TP63: variants seen among roughly 807,000 people sequenced by gnomAD.
TP63 encodes tumor protein 63.
A neutral mutation model predicts 82.8 loss-of-function variants in TP63; 17 were observed. The ratio of observed to expected loss-of-function variants is 0.21; its 90% confidence interval spans 0.14 to 0.31. TP63 has a LOEUF of 0.31. TP63 is among the 10% of genes least tolerant of loss of function. TP63 has a pLI of 1.00. For synonymous variants in TP63, 330 were observed against 321.7 expected, an observed-to-expected ratio of 1.03 and a Z score of -0.28; for missense variants, 648 against 895.3, an observed-to-expected ratio of 0.72 and a Z score of 3.52.
At chr3:189,820,300 A>G (rs1324790402) in intron 4 of TP63, among the ~76,000 whole-genome samples, 1 of 152,230 alleles carries the variant, frequency 6.6e-6, no homozygotes, top group Non-Finnish European at 1.5e-5. Context: ...TTTCTCTTCA[A>G]AAAGCAATTA....
intron 1 of TP63, among the ~76,000 whole-genome samples, chr3:189,680,980 A>G (rs969037987): frequency 1.3e-5 from 2 of 152,244 alleles, no homozygotes; most frequent in African/African-American, 4.8e-5. Context: ...GTTTGGGTCC[A>G]CAGTAAAGTC....
intron 1 of TP63, among the ~76,000 whole-genome samples, chr3:189,737,292 A>C (rs774130811): frequency 6.6e-6 from 1 of 152,258 alleles, no homozygotes; most frequent in African/African-American, 2.4e-5. Context: ...TTCTGAGTTC[A>C]TTTCTGTTTC....
At chr3:189,712,396 C>G (rs893322379) in intron 1 of TP63, among the ~76,000 whole-genome samples, 4 of 152,134 alleles carry the variant, frequency 2.6e-5, no homozygotes, top group Non-Finnish European at 5.9e-5. Context: ...ATACCATAAA[C>G]TGGGTAACTT....
At chr3:189,868,157 G>C (rs1231991847) in intron 7 of TP63, among the ~76,000 whole-genome samples, 1 of 152,210 alleles carries the variant, frequency 6.6e-6, no homozygotes, top group Non-Finnish European at 1.5e-5. Context: ...AGCTAGAAAA[G>C]TGTGCAAGTC....
At position 189,854,396 on chromosome 3, in the gene TP63, A is replaced by G. The variant is rs910892923; in HGVS notation, c.580-9836A>G. ...CAGACATGTGCCACCACGCCCAGCT[A>G]ATTTTTTTGTATTTTTAGTAGAGAC... On this transcript the variant is annotated intron_variant, in intron 4 of 13. Transcript: ENST00000264731. Among the ~76,000 whole-genome samples the G allele has an allele frequency of 1.1e-4, 16 of 151,902 alleles. 1 individual carries two copies. The highest frequency in any genetic ancestry group is 1.0e-3 in the Admixed American group (16 of 15,272).
intron 1 of TP63, among the ~76,000 whole-genome samples, chr3:189,679,572 T>C (rs1026818284): frequency 6.6e-6 from 1 of 152,162 alleles, no homozygotes; most frequent in Non-Finnish European, 1.5e-5. Context: ...TTTTCACTCA[T>C]TTCGTAGGTG....
At chr3:189,890,331 T>C (rs986513359) in intron 12 of TP63, among the ~76,000 whole-genome samples, 1 of 152,146 alleles carries the variant, frequency 6.6e-6, no homozygotes, top group African/African-American at 2.4e-5. Flanking sequence ...AAGGCATGAA[T>C]GACTTAATGG....
At chr3:189,836,851 C>T (rs1713222566) in intron 4 of TP63, among the ~76,000 whole-genome samples, 1 of 152,270 alleles carries the variant, frequency 6.6e-6, no homozygotes, top group South Asian at 2.1e-4. Flanking sequence ...TGGCCCAATT[C>T]CCCACGGCTA....
At chr3:189,806,197 G>A (rs1004844971) in intron 3 of TP63, among the ~76,000 whole-genome samples, 2 of 151,838 alleles carry the variant, frequency 1.3e-5, no homozygotes, top group Non-Finnish European at 2.9e-5. Flanking sequence ...AAATCAAGGG[G>A]CCCATGCGTC....
intron 3 of TP63, among the ~76,000 whole-genome samples, chr3:189,745,708 C>CAAAAAA (rs71298529): frequency 3.9e-4 from 7 of 17,778 alleles, no homozygotes; most frequent in African/African-American, 1.0e-3. Flanking sequence ...AACTCCATCT[C>CAAAAAA]AAAAAAAAAA....
At position 189,896,530 on chromosome 3, in the gene TP63, A is replaced by G. The variant is rs1238460746; in HGVS notation, c.*2028A>G. On this transcript the variant is annotated 3_prime_UTR_variant, in exon 14 of 14. Coordinates refer to ENST00000264731, the MANE Select transcript of TP63 (RefSeq NM_003722.5). ...TTGTTGTACTTAAATGGTAATAAGC[A>G]CTGTAAACTTCTGCAACAAGCATGC... The G allele has an allele frequency of 1.4e-5, 3 of 210,266 alleles. No individual in the cohort carries two copies. Among genetic ancestry groups the G allele is most frequent in the Non-Finnish European group, 2.9e-5 (3 of 103,436 alleles). The allele number at this position is 210,266 out of a possible 1,614,324, so 13.0% of individuals were successfully genotyped here.
chr3:189,784,019 A>G (rs914125282), intron 3 of TP63, among the ~76,000 whole-genome samples: 3 of 152,012 alleles, frequency 2.0e-5, no homozygotes, highest in Non-Finnish European at 4.4e-5. Flanking sequence ...TCTTGTTTAT[A>G]TACATAAACA....
chr3:189,880,983 T>C, intron 10 of TP63: 1 of 985,454 alleles, frequency 1.0e-6, no homozygotes, highest in Non-Finnish European at 1.2e-6. Flanking sequence ...TTTGTGCTTT[T>C]AATAGAAAGA....
intron 13 of TP63, among the ~76,000 whole-genome samples, chr3:189,891,707 T>G (rs577605450): frequency 6.6e-6 from 1 of 152,168 alleles, no homozygotes; most frequent in Non-Finnish European, 1.5e-5. Context: ...CTACTCCACT[T>G]TTTGAACTCC....
chr3:189,769,570 C>T (rs1723186183), intron 3 of TP63, among the ~76,000 whole-genome samples: 1 of 151,962 alleles, frequency 6.6e-6, no homozygotes, highest in Non-Finnish European at 1.5e-5. Flanking sequence ...TAGAATTAAT[C>T]CAATTAATAA....
At chr3:189,765,367 A>G (rs956501945) in intron 3 of TP63, among the ~76,000 whole-genome samples, 2 of 151,104 alleles carry the variant, frequency 1.3e-5, no homozygotes, top group Non-Finnish European at 2.9e-5. Flanking sequence ...TTCTTTGGAA[A>G]TCCTTTGACA....
intron 10 of TP63, chr3:189,881,016 CCCTTACGTAGTTGTTTACCATTAT>C (rs1719852283): frequency 4.1e-6 from 4 of 985,230 alleles, no homozygotes; most frequent in Non-Finnish European, 4.8e-6. Flanking sequence ...AGTAATATTG[CCCTTACGTAGTTGTTTACCATTAT>C]TCAAAGCTCA....
chr3:189,697,415 T>C (rs1227428519), intron 1 of TP63, among the ~76,000 whole-genome samples: 6 of 152,030 alleles, frequency 3.9e-5, no homozygotes, highest in Admixed American at 6.6e-5. Context: ...TATAAGTATA[T>C]TCTTTTGTCA....
At chr3:189,730,582 C>A (rs188135866) in intron 1 of TP63, among the ~76,000 whole-genome samples, 21 of 152,346 alleles carry the variant, frequency 1.4e-4, no homozygotes, top group African/African-American at 4.8e-4. Context: ...TGAGTAACAA[C>A]TTCCCTATCC....
Sources: gnomAD v4.1 joint callset for allele counts (sites outside exome capture counted in the v4.1 genomes callset) on GRCh38, gnomAD v4.1.1 for gene constraint, MANE v1.5 for transcripts, NCBI Gene and HGNC (gene_info 2026-07-23, HGNC 2026-07-21) for gene names.